The following MBOAT1 variants were observed in gnomAD, a reference collection of about 807,000 sequenced individuals.
The protein encoded by MBOAT1 is membrane bound glycerophospholipid O-acyltransferase 1, also known as membrane-bound glycerophospholipid O-acyltransferase 1.
Under a neutral mutation model 64.4 loss-of-function variants are expected in MBOAT1, and 67 were observed. The observed-to-expected ratio is 1.04, with a 90% CI of 0.85 to 1.27. The LOEUF (loss-of-function observed/expected upper bound fraction) is 1.27. Among genes scored for constraint, MBOAT1 ranks in the 50% most tolerant of loss-of-function variants. The pLI is 0.00. For synonymous variants in MBOAT1, 229 were observed against 218.9 expected (o/e 1.05, Z -0.41); for missense variants, 563 against 604.6 (o/e 0.93, Z 0.72).
intron 12 of MBOAT1, among the ~76,000 whole-genome samples, chr6:20,108,996 T>C (rs1760039726): frequency 6.6e-6 from 1 of 152,220 alleles, no homozygotes; most frequent in Non-Finnish European, 1.5e-5. Flanking sequence ...AGAATAAAAG[T>C]CAGCAATTAG....
intron 1 of MBOAT1, among the ~76,000 whole-genome samples, chr6:20,205,602 C>T (rs1179824237): frequency 6.6e-6 from 1 of 152,152 alleles, no homozygotes; most frequent in African/African-American, 2.4e-5. Flanking sequence ...CCAGAATCCC[C>T]CAGCATGGAG....
At chr6:20,176,472 T>G (rs1194951864) in intron 1 of MBOAT1, among the ~76,000 whole-genome samples, 1 of 152,162 alleles carries the variant, frequency 6.6e-6, no homozygotes, top group East Asian at 1.9e-4. Flanking sequence ...CTACCCACCT[T>G]CTTCTAGAAA....
intron 11 of MBOAT1, 34 bp from the exon 12 acceptor site, chr6:20,109,783 G>A: frequency 6.3e-7 from 1 of 1,595,254 alleles, no homozygotes; most frequent in Non-Finnish European, 8.6e-7. Flanking sequence ...TAGTGAGGAG[G>A]GGGTGAAAAA....
chr6:20,196,341 T>C (rs913779404), intron 1 of MBOAT1, among the ~76,000 whole-genome samples: 2 of 152,066 alleles, frequency 1.3e-5, no homozygotes, highest in African/African-American at 4.8e-5. Context: ...AAGAAGCTAG[T>C]CACAAAGACC....
intron 10 of MBOAT1, 25 bp downstream of exon 10, chr6:20,115,263 A>G: frequency 6.3e-7 from 1 of 1,586,480 alleles, no homozygotes; most frequent in Non-Finnish European, 8.7e-7. Context: ...GCCCTAAGTA[A>G]TGAGGTCGTT....
intron 1 of MBOAT1, 121 bp downstream of exon 1, chr6:20,212,015 G>T: frequency 1.4e-6 from 1 of 725,006 alleles, no homozygotes; most frequent in Non-Finnish European, 2.3e-6. Flanking sequence ...AAAACCAACT[G>T]TCTAGTGTGT....
chr6:20,150,824 T>G (rs1181385888), intron 3 of MBOAT1, among the ~76,000 whole-genome samples: 1 of 152,060 alleles, frequency 6.6e-6, no homozygotes, highest in Admixed American at 6.5e-5. Context: ...TCAGGCAATC[T>G]GCCCACCTCT....
At chr6:20,182,444 C>T (rs1762538092) in intron 1 of MBOAT1, among the ~76,000 whole-genome samples, 1 of 152,214 alleles carries the variant, frequency 6.6e-6, no homozygotes, top group Non-Finnish European at 1.5e-5. Context: ...ACCACAGCAA[C>T]ATCTAACATA....
chr6:20,122,909 G>A (rs1039867120), intron 8 of MBOAT1, among the ~76,000 whole-genome samples: 1 of 152,028 alleles, frequency 6.6e-6, no homozygotes, highest in African/African-American at 2.4e-5. Context: ...TCGGCTTACA[G>A]CAACCTCCAC....
intron 4 of MBOAT1, among the ~76,000 whole-genome samples, chr6:20,132,648 CT>C (rs2113662972): frequency 6.6e-6 from 1 of 152,274 alleles, no homozygotes; most frequent in African/African-American, 2.4e-5. Flanking sequence ...AAGTATAAAT[CT>C]TTGTGACTTC....
chr6:20,113,714 C>G (rs1000363556), intron 10 of MBOAT1, among the ~76,000 whole-genome samples: 1 of 151,758 alleles, frequency 6.6e-6, no homozygotes, highest in African/African-American at 2.4e-5. Context: ...ACAGGGAATT[C>G]CCCCCCAAAA....
In MBOAT1 at chr6:20,109,516, AT is replaced by A. The variant is rs1760058184; in HGVS notation, c.1361+81del. On this transcript the variant is annotated intron_variant, in intron 12 of 12. Transcript: ENST00000324607. ...AGTTAGAAGTGTTTAGGACTGCTTC[AT>A]TCAATTTACTGCCTCCTAAGTCAAA... 1.6e-5 allele frequency: 24 copies of A among 1,523,094 alleles called. No homozygotes were observed. In the South Asian group the frequency reaches 3.0e-4, roughly 19 times the overall value. 94.3% of individuals were successfully genotyped at this position (1,523,094 alleles called of 1,614,324 possible).
rs552327195 is a variant in MBOAT1 at position 20,183,239 on chromosome 6, T to C, written c.99+28897A>G. On this transcript the variant is annotated intron_variant, in intron 1 of 12. Transcript: ENST00000324607. ...TATGATCTACCTGGAAAAAAAAATATGTTTACAGAAAGGAGAAGTCTGCAA... is the reference window on the plus strand; with the variant it reads ...TATGATCTACCTGGAAAAAAAAATACGTTTACAGAAAGGAGAAGTCTGCAA... 3.3e-5 allele frequency among the ~76,000 whole-genome samples: 5 copies of C among 152,262 alleles called. No homozygotes were observed. In the South Asian group the frequency reaches 6.2e-4, roughly 19 times the overall value.
rs750043673 is a variant in MBOAT1, at chr6:20,151,273, TA to T, written c.246-12del. 4.4e-6 allele frequency: 7 copies of T among 1,592,338 alleles called. No homozygotes were observed. Among genetic ancestry groups the T allele is most frequent in the Non-Finnish European group, 6.0e-6 (7 of 1,161,590 alleles). ...AGATGCACAGAGTACCTTTAAGACA[TA>T]ATAGTAGGGGGAGGAGTAATGAATA... On this transcript the variant is annotated splice_polypyrimidine_tract_variant and intron_variant, in intron 2 of 12. Transcript: ENST00000324607.
chr6:20,109,615 C>G lies in MBOAT1; in HGVS notation c.1344G>C (p.Pro448=). 6.2e-7 allele frequency: 1 copy of G among 1,612,698 alleles called. No individual in the cohort carries two copies. Among genetic ancestry groups the G allele is most frequent in the Non-Finnish European group, 8.5e-7 (1 of 1,179,194 alleles). ...VAPFVMLAVE[P]TISLYKSMYF... ...AAACTTACTTGTATAAGCTGATGGT[C>G]GGTTCAACTGCCAACATCACAAAGG... Residue 448 remains proline, a synonymous_variant, in exon 12 of 13, where the codon CCG becomes CCC. Transcript: ENST00000324607.
intron 1 of MBOAT1, among the ~76,000 whole-genome samples, chr6:20,198,082 GC>G (rs971720105): frequency 6.6e-5 from 10 of 151,902 alleles, no homozygotes; most frequent in African/African-American, 2.2e-4. Context: ...AAAAAAATTA[GC>G]CAGGCATGGT....
chr6:20,111,556 T>C (rs571640951), intron 11 of MBOAT1, among the ~76,000 whole-genome samples: 92 of 152,230 alleles, frequency 6.0e-4, no homozygotes, highest in African/African-American at 2.2e-3. Flanking sequence ...TGAGCCTTTA[T>C]GCCAGTTGAA....
intron 1 of MBOAT1, among the ~76,000 whole-genome samples, chr6:20,154,474 A>C (rs1221943028): frequency 6.6e-6 from 1 of 152,186 alleles, no homozygotes; most frequent in African/African-American, 2.4e-5. Flanking sequence ...CAGAGGTTGC[A>C]GTGAGCTGAG....
intron 1 of MBOAT1, among the ~76,000 whole-genome samples, chr6:20,155,685 T>C (rs981023750): frequency 1.3e-5 from 2 of 152,188 alleles, no homozygotes; most frequent in East Asian, 1.9e-4. Context: ...GGAATAGTTA[T>C]AGCCCAGAAA....
Sources: allele counts gnomAD v4.1 joint callset (sites outside exome capture counted in the v4.1 genomes callset), GRCh38; gene constraint gnomAD v4.1.1; transcripts MANE v1.5; gene names NCBI Gene and HGNC (gene_info 2026-07-23, HGNC 2026-07-21).